GPM6A: variants seen among roughly 807,000 people sequenced by gnomAD.
GPM6A encodes neuronal membrane glycoprotein M6-a.
In GPM6A, 7 loss-of-function variants were observed where a neutral mutation model predicts 32.1. The observed-to-expected ratio is 0.22, with a 90% confidence interval of 0.12 to 0.41. GPM6A has a LOEUF of 0.41. GPM6A is among the 10% of genes least tolerant of loss of function. The pLI is 1.00. For missense variants in GPM6A, 235 were observed against 347.2 expected (o/e 0.68, Z 2.57); for synonymous variants, 130 against 123.4 (o/e 1.05, Z -0.35).
At chr4:175,686,041 A>G (rs1307866740) in intron 2 of GPM6A, among the ~76,000 whole-genome samples, 1 of 152,196 alleles carries the variant, frequency 6.6e-6, no homozygotes, top group Non-Finnish European at 1.5e-5. Flanking sequence ...GCTTATGCTC[A>G]CATGGATTCT....
intron 6 of GPM6A, among the ~76,000 whole-genome samples, chr4:175,636,954 A>G (rs2110864598): frequency 7.6e-6 from 1 of 132,284 alleles, no homozygotes; most frequent in South Asian, 2.3e-4. Flanking sequence ...ATATATATAT[A>G]TGTATTTATA....
chr4:175,904,386 G>A (rs1560987213), intron 1 of GPM6A, among the ~76,000 whole-genome samples: 1 of 152,098 alleles, frequency 6.6e-6, no homozygotes, highest in Non-Finnish European at 1.5e-5. Flanking sequence ...TTGACTTTGA[G>A]TGATATTTTA....
At chr4:175,650,954 T>C (rs1741768200) in intron 4 of GPM6A, among the ~76,000 whole-genome samples, 1 of 152,194 alleles carries the variant, frequency 6.6e-6, no homozygotes, top group African/African-American at 2.4e-5. Flanking sequence ...TCCCATAATG[T>C]TACACATGAT....
At chr4:175,671,849 G>T (rs1236156892) in intron 3 of GPM6A, among the ~76,000 whole-genome samples, 1 of 152,174 alleles carries the variant, frequency 6.6e-6, no homozygotes, top group South Asian at 2.1e-4. Flanking sequence ...GTGTCAGGGA[G>T]GTGTTACAGG....
At chr4:175,781,802 T>A (rs1480773263) in intron 1 of GPM6A, among the ~76,000 whole-genome samples, 2 of 152,248 alleles carry the variant, frequency 1.3e-5, no homozygotes, top group Non-Finnish European at 2.9e-5. Context: ...TGTGCAAATG[T>A]CCTGTCTAAA....
chr4:175,919,658 C>T (rs1385063430), intron 1 of GPM6A, among the ~76,000 whole-genome samples: 2 of 152,148 alleles, frequency 1.3e-5, no homozygotes, highest in African/African-American at 4.8e-5. Flanking sequence ...TTTCAAACAT[C>T]CATTCTCTCC....
At chr4:175,757,015 C>A (rs2111200404) in intron 1 of GPM6A, among the ~76,000 whole-genome samples, 1 of 152,182 alleles carries the variant, frequency 6.6e-6, no homozygotes, top group East Asian at 1.9e-4. Context: ...TGTGTAGCAG[C>A]TAGTCTCCAC....
chr4:175,971,292 G>A (rs1299018851), intron 1 of GPM6A, among the ~76,000 whole-genome samples: 1 of 147,988 alleles, frequency 6.8e-6, no homozygotes, highest in Non-Finnish European at 1.5e-5. Context: ...AAAAAATTCT[G>A]AAAAGGACCC....
intron 1 of GPM6A, among the ~76,000 whole-genome samples, chr4:175,918,666 T>C (rs1325401357): frequency 6.6e-6 from 1 of 152,212 alleles, no homozygotes; most frequent in Non-Finnish European, 1.5e-5. Flanking sequence ...TAATTTAGTT[T>C]GCTGGAGTTT....
At chr4:176,002,225 G>A in intron 1 of GPM6A, 1 of 1,398,304 alleles carries the variant, frequency 7.2e-7, no homozygotes, top group Non-Finnish European at 1.0e-6. Flanking sequence ...GTCTGAGGCC[G>A]AGGAACATTC....
intron 1 of GPM6A, among the ~76,000 whole-genome samples, chr4:175,919,130 T>C (rs1324997995): frequency 6.6e-6 from 1 of 152,180 alleles, no homozygotes; most frequent in Non-Finnish European, 1.5e-5. Context: ...TTAAAATATC[T>C]TCTCATTAAG....
In GPM6A at chr4:175,995,376, TAAAAAAAAAAAAAAA is replaced by T. The variant is rs10541049; in HGVS notation, c.-23+6918_-23+6932del. ...ATTGCTGCTTGATCCTTTCAATTTG[TAAAAAAAAAAAAAAA>T]AAAAAAAAGCACAGTATCTACGAAG... is the stretch of plus-strand genomic sequence containing the variant. On this transcript the variant is annotated intron_variant, in intron 1 of 7. Coordinates refer to the GPM6A transcript ENST00000280187. Among the ~76,000 whole-genome samples the T allele has an allele frequency of 9.3e-5, 9 of 96,328 alleles. No individual in the cohort carries two copies. In the South Asian group the frequency reaches 3.0e-3, roughly 32 times the overall value. 63.2% of individuals were successfully genotyped at this position (96,328 alleles called of 152,430 possible). A position where few individuals can be genotyped will look rare whatever the true frequency, so the allele number is the denominator to read the frequency against.
At chr4:175,832,895 C>A (rs1257809998) in intron 1 of GPM6A, among the ~76,000 whole-genome samples, 1 of 152,160 alleles carries the variant, frequency 6.6e-6, no homozygotes, top group East Asian at 1.9e-4. Context: ...AATGCCGGTT[C>A]CCAAAGACAA....
chr4:175,705,526 G>C (rs1253088294), intron 1 of GPM6A, among the ~76,000 whole-genome samples: 1 of 152,130 alleles, frequency 6.6e-6, no homozygotes, highest in South Asian at 2.1e-4. Flanking sequence ...CTCCCATCTG[G>C]GGAAGCAGCG....
chr4:175,840,035 A>G (rs897340120), intron 1 of GPM6A, among the ~76,000 whole-genome samples: 3 of 152,334 alleles, frequency 2.0e-5, no homozygotes, highest in African/African-American at 7.2e-5. Context: ...GTTAAAACCA[A>G]TTCATCAAGA....
chr4:175,846,404 G>T (rs1177487133), intron 1 of GPM6A, among the ~76,000 whole-genome samples: 1 of 152,014 alleles, frequency 6.6e-6, no homozygotes, highest in Non-Finnish European at 1.5e-5. Flanking sequence ...TTCAAATATT[G>T]ATTCTTCCCT....
intron 1 of GPM6A, among the ~76,000 whole-genome samples, chr4:175,818,257 T>C (rs1490502494): frequency 6.6e-6 from 1 of 152,232 alleles, no homozygotes; most frequent in South Asian, 2.1e-4. Flanking sequence ...TTTGTGAATG[T>C]TGTTTCTTCT....
At chr4:175,880,358 T>G (rs1315112117) in intron 1 of GPM6A, among the ~76,000 whole-genome samples, 1 of 152,196 alleles carries the variant, frequency 6.6e-6, no homozygotes, top group Non-Finnish European at 1.5e-5. Flanking sequence ...TAGGATTGAC[T>G]TGGCAATGTG....
chr4:175,927,037 G>C (rs1232283900), intron 1 of GPM6A, among the ~76,000 whole-genome samples: 1 of 152,110 alleles, frequency 6.6e-6, no homozygotes. Flanking sequence ...TTTCTAATTT[G>C]GTTTTTGTTA....
Sources: gnomAD v4.1 joint callset for allele counts (sites outside exome capture counted in the v4.1 genomes callset) on GRCh38, gnomAD v4.1.1 for gene constraint, MANE v1.5 for transcripts, NCBI Gene and HGNC (gene_info 2026-07-23, HGNC 2026-07-21) for gene names.